Variants in DPP10 observed in about 807,000 individuals in gnomAD.
DPP10 encodes the protein inactive dipeptidyl peptidase 10.
A neutral mutation model predicts 120.9 loss-of-function variants in DPP10; 33 were observed. That is an observed-to-expected ratio of 0.27 (90% CI 0.21 to 0.37). The LOEUF (loss-of-function observed/expected upper bound fraction) is 0.37. Among genes scored for constraint, DPP10 ranks in the 10% least tolerant of loss-of-function variants. The probability of loss-of-function intolerance (pLI) is 1.00; values close to 1 mark genes in which losing one functional copy is unlikely to be tolerated. For synonymous variants in DPP10, 337 were observed against 326.1 expected (o/e 1.03, Z -0.36); for missense variants, 816 against 942.8 (o/e 0.87, Z 1.76).
At chr2:115,306,755 G>A (rs72955594) in intron 1 of DPP10, among the ~76,000 whole-genome samples, 141 of 152,088 alleles carry the variant, frequency 9.3e-4, no homozygotes, top group African/African-American at 2.7e-3. Flanking sequence ...AATATGTCTC[G>A]CTCAAATTTG....
chr2:115,573,319 G>C (rs13015646), intron 5 of DPP10, among the ~76,000 whole-genome samples: 56,278 of 127,116 alleles, frequency 0.44, 14,527 homozygotes, highest in Non-Finnish European at 0.58. Flanking sequence ...GTCTTGCTCT[G>C]TCGCCCAGGC....
In DPP10 at chr2:114,773,415, T is replaced by G. The variant is rs185907507; in HGVS notation, c.60+330577T>G. Among the ~76,000 whole-genome samples, 3 of 148,772 alleles carry G rather than the reference T, an allele frequency of 2.0e-5. No individual in the cohort carries two copies. In the East Asian group the frequency reaches 6.0e-4, roughly 30 times the overall value. On this transcript the variant is annotated intron_variant, in intron 1 of 25. Coordinates refer to ENST00000410059, the MANE Select transcript of DPP10 (RefSeq NM_020868.6). ...ACGGACTTTTAGTTTATACAAATTA[T>G]AACTCAACAGACCTGACTTTTTAAA...
intron 1 of DPP10, among the ~76,000 whole-genome samples, chr2:114,806,364 T>C (rs1684715591): frequency 1.3e-5 from 2 of 152,222 alleles, no homozygotes; most frequent in Admixed American, 1.3e-4. Flanking sequence ...TGCTTAACAC[T>C]ACCAAGCTAG....
chr2:114,658,064 A>T (rs1418907631), intron 1 of DPP10, among the ~76,000 whole-genome samples: 4 of 152,228 alleles, frequency 2.6e-5, no homozygotes, highest in Non-Finnish European at 5.9e-5. Flanking sequence ...ATGCATTCAT[A>T]TATTTGAGTT....
At chr2:115,521,931 A>G (rs1462174162) in intron 4 of DPP10, among the ~76,000 whole-genome samples, 2 of 152,150 alleles carry the variant, frequency 1.3e-5, no homozygotes, top group Non-Finnish European at 2.9e-5. Context: ...ATCATCCCTC[A>G]TCTTCCCAAG....
intron 1 of DPP10, among the ~76,000 whole-genome samples, chr2:115,237,031 CAATAAT>C (rs1156606299): frequency 6.6e-6 from 1 of 151,576 alleles, no homozygotes; most frequent in Non-Finnish European, 1.5e-5. Flanking sequence ...ACAGCCATCA[CAATAAT>C]AATATAACTT....
intron 3 of DPP10, among the ~76,000 whole-genome samples, 193 bp downstream of exon 3, chr2:115,344,105 C>T (rs148569790): frequency 7.7e-6 from 1 of 130,444 alleles, no homozygotes; most frequent in Non-Finnish European, 1.5e-5. Flanking sequence ...CACTGCACTC[C>T]AACCTGGGTG....
intron 5 of DPP10, among the ~76,000 whole-genome samples, chr2:115,651,489 G>A (rs1268715184): frequency 6.6e-6 from 1 of 152,190 alleles, no homozygotes; most frequent in East Asian, 1.9e-4. Context: ...AAGAAGGAAA[G>A]CAATTTTCAT....
At chr2:115,160,532 C>T (rs180783335) in intron 1 of DPP10, among the ~76,000 whole-genome samples, 1 of 152,306 alleles carries the variant, frequency 6.6e-6, no homozygotes, top group African/African-American at 2.4e-5. Flanking sequence ...CACTGCCACC[C>T]CACTGCCCCA....
At chr2:115,084,061 T>C (rs550473661) in intron 1 of DPP10, among the ~76,000 whole-genome samples, 1 of 152,314 alleles carries the variant, frequency 6.6e-6, no homozygotes, top group Non-Finnish European at 1.5e-5. Flanking sequence ...TTTGTGATCC[T>C]GTCAAACCTA....
intron 2 of DPP10, among the ~76,000 whole-genome samples, chr2:115,334,359 G>C (rs183292180): frequency 6.6e-6 from 1 of 150,978 alleles, no homozygotes; most frequent in African/African-American, 2.4e-5. Flanking sequence ...TGATTCCCTG[G>C]AACTGTAAAA....
intron 12 of DPP10, among the ~76,000 whole-genome samples, chr2:115,764,973 C>T (rs1196654665): frequency 3.9e-5 from 6 of 151,972 alleles, no homozygotes; most frequent in Non-Finnish European, 7.4e-5. Context: ...TTGAGATGAC[C>T]AGTGTGTAAT....
At chr2:114,600,403 T>A (rs952725394) in intron 1 of DPP10, among the ~76,000 whole-genome samples, 1 of 151,830 alleles carries the variant, frequency 6.6e-6, no homozygotes, top group Non-Finnish European at 1.5e-5. Flanking sequence ...ATTCATTTGA[T>A]GAGAATTTCT....
At chr2:115,231,882 C>G (rs555459727) in intron 1 of DPP10, among the ~76,000 whole-genome samples, 5 of 152,310 alleles carry the variant, frequency 3.3e-5, no homozygotes, top group East Asian at 3.9e-4. Context: ...TGAGAGTCAT[C>G]TGGAGAATCA....
chr2:115,173,474 G>A (rs1011122683), intron 1 of DPP10, among the ~76,000 whole-genome samples: 1 of 152,164 alleles, frequency 6.6e-6, no homozygotes, highest in African/African-American at 2.4e-5. Flanking sequence ...ATTTTAGAGA[G>A]ATCACAAAGC....
chr2:115,790,077 T>A (rs917040410), intron 17 of DPP10, among the ~76,000 whole-genome samples: 3 of 150,390 alleles, frequency 2.0e-5, no homozygotes, highest in Non-Finnish European at 4.4e-5. Context: ...GGCTATTTTT[T>A]TTTTTTTTTT....
At chr2:115,469,901 A>AAAAAAAAAAAAAAAG (rs1558709906) in intron 3 of DPP10, among the ~76,000 whole-genome samples, 3 of 74,654 alleles carry the variant, frequency 4.0e-5, no homozygotes, top group African/African-American at 4.1e-5. Context: ...AAAAAAAAAG[A>AAAAAAAAAAAAAAAG]AAAAAAAAAA....
Position 115,791,137 on chromosome 2 carries a change from A to T in DPP10, c.1588A>T (p.Ile530Leu). ...MLKEAILKKK[I>L]GKPEIKILHI... is the part of the protein sequence containing the mutation. ...GAAGGAAGCTATCCTGAAGAAGAAG[A>T]TAGGAAAGCCAGAAATTAAAATCCT... is the stretch of plus-strand genomic sequence containing the variant. The change falls in exon 18 of 26, where the codon ATA becomes TTA. Residue 530 changes from isoleucine to leucine, a missense_variant. Coordinates refer to ENST00000410059, the MANE Select transcript of DPP10 (RefSeq NM_020868.6). The T allele has an allele frequency of 6.2e-7, 1 of 1,613,678 alleles. No individual in the cohort carries two copies. The highest frequency in any genetic ancestry group is 8.5e-7 in the Non-Finnish European group (1 of 1,179,796).
At chr2:114,888,548 C>T (rs142601209) in intron 1 of DPP10, among the ~76,000 whole-genome samples, 1 of 152,096 alleles carries the variant, frequency 6.6e-6, no homozygotes, top group Non-Finnish European at 1.5e-5. Flanking sequence ...CCAGTTAACA[C>T]AAAGAATTTA....
Sources: allele counts gnomAD v4.1 joint callset (sites outside exome capture counted in the v4.1 genomes callset), GRCh38; gene constraint gnomAD v4.1.1; transcripts MANE v1.5; gene names NCBI Gene and HGNC (gene_info 2026-07-23, HGNC 2026-07-21).